The following FASN variants were observed in gnomAD, a reference collection of about 807,000 sequenced individuals.
FASN encodes fatty acid synthase, also known as 3-hydroxyacyl-[acyl-carrier-protein] dehydratase.
FASN carries 50 observed loss-of-function variants against 250.0 expected under a neutral mutation model. That is an observed-to-expected ratio of 0.20 (90% confidence interval 0.16 to 0.25). The LOEUF (loss-of-function observed/expected upper bound fraction) is 0.25, where lower values mean the gene tolerates loss of function less well. FASN is among the 10% of genes least tolerant of loss of function. FASN has a pLI of 1.00. For synonymous variants in FASN, 1,909 were observed against 1,584.0 expected (o/e 1.21, Z -4.87); for missense variants, 3,031 against 3,498.5 (o/e 0.87, Z 3.37).
rs377130097 is a variant in FASN, at chr17:82,093,170, G to A, written c.655+49C>T. ...CAGCGTGGGGACTGTGCGGGGGGCC[G>A]TCCTGTGCCACTGTCCCGCCTGCCC... On this transcript the variant is annotated intron_variant, in intron 5 of 42. Coordinates refer to ENST00000306749, the MANE Select transcript of FASN (RefSeq NM_004104.5). 41 of 1,540,656 alleles carry A rather than the reference G, an allele frequency of 2.7e-5. No homozygotes were observed. The African/African-American group carries it at 3.7e-4, about 14-fold the overall frequency.
Position 82,091,564 on chromosome 17 carries a change from G to A in FASN, c.1150C>T (p.Arg384Cys), listed in dbSNP as rs762823912. 7 of 1,590,046 alleles carry A rather than the reference G, an allele frequency of 4.4e-6. No individual in the cohort carries two copies. The highest frequency in any genetic ancestry group is 1.8e-5 in the Admixed American group (1 of 55,922). ...GAGTTGATGCCCACGTTGCCGCCACGGACGGGCAGGGGCTGGTCCACCACC... is the reference window on the plus strand; with the variant it reads ...GAGTTGATGCCCACGTTGCCGCCACAGACGGGCAGGGGCTGGTCCACCACC... ...LQVVDQPLPV[R>C]GGNVGINSFG... Residue 384 changes from arginine to cysteine, a missense_variant, in exon 9 of 43, where the codon CGT becomes TGT. Transcript: ENST00000306749.
Position 82,082,029 on chromosome 17 carries a change from C to T in FASN, c.6143G>A (p.Arg2048His), listed in dbSNP as rs1414335098. 3 of 1,609,598 alleles carry T rather than the reference C, an allele frequency of 1.9e-6. No homozygotes were observed. The highest frequency in any genetic ancestry group is 1.7e-5 in the Admixed American group (1 of 60,008). The stretch of plus-strand genomic sequence containing the variant: ...CCCACCTGGGAGGCCTTCGTGCCGG[C>T]GTTTCTCACAGATACGCTCCATGGC... ...NSAMERICEK[R>H]RHEGLPGLAV... The change falls in exon 36 of 43, where the codon CGC (arginine) becomes CAC (histidine). Residue 2048 changes from arginine (R) to histidine (H), a missense_variant. Physicochemically the swap from Arg to His is conservative, Grantham distance 29. Coordinates refer to ENST00000306749, the MANE Select transcript of FASN (RefSeq NM_004104.5).
At position 82,092,603 on chromosome 17, in the gene FASN, G is replaced by T. The variant is rs751955817; in HGVS notation, c.895-14C>A. 13 of 1,595,390 alleles carry T rather than the reference G, an allele frequency of 8.1e-6. No individual in the cohort carries two copies. Among genetic ancestry groups the T allele is most frequent in the Non-Finnish European group, 1.1e-5 (13 of 1,173,978 alleles). On this transcript the variant is annotated splice_polypyrimidine_tract_variant and intron_variant, in intron 7 of 42. Coordinates refer to ENST00000306749, the MANE Select transcript of FASN (RefSeq NM_004104.5). The stretch of plus-strand genomic sequence containing the variant: ...GGGGTCGCCCACCTGTGGGAAACAT[G>T]GGGGGTGAGGGGCTCTGGCCAGGTC...
chr17:82,097,975 G>C (rs1193720958), intron 1 of FASN, 146 bp downstream of exon 1: 1 of 280,102 alleles, frequency 3.6e-6, no homozygotes, highest in Non-Finnish European at 6.7e-6. Context: ...ACCGAGACCC[G>C]GACAGGCCGC....
At position 82,083,753 on chromosome 17, in the gene FASN, G is replaced by T. The variant is rs775516460; in HGVS notation, c.5218+19C>A. 2 of 1,611,244 alleles carry T rather than the reference G, an allele frequency of 1.2e-6. No homozygotes were observed. The highest frequency in any genetic ancestry group is 1.7e-6 in the Non-Finnish European group (2 of 1,179,634). On this transcript the variant is annotated intron_variant, in intron 30 of 42. Coordinates refer to ENST00000306749, the MANE Select transcript of FASN (RefSeq NM_004104.5). Reference sequence around the variant, plus strand: ...GGAGGCTAGGCAGGAGGCAGGTGGGGGCTGTGGGGGCCACTCACCCTTCCC... The same window carrying T: ...GGAGGCTAGGCAGGAGGCAGGTGGGTGCTGTGGGGGCCACTCACCCTTCCC...
In FASN at chr17:82,083,534, G is replaced by A. The variant is rs1273164437; in HGVS notation, c.5324C>T (p.Ser1775Phe). ...RFLEIGKFDL[S>F]QNHPLGMAIF... ...GGCCTCACCGAGCGGGTGGTTCTGA[G>A]AAAGGTCGAATTTGCCAATTTCCAG... Residue 1775 changes from serine to phenylalanine, a missense_variant, in exon 31 of 43, where the codon TCT (serine) becomes TTT (phenylalanine). By Grantham distance (155) the Ser-to-Phe change is radical. Coordinates refer to ENST00000306749, the MANE Select transcript of FASN (RefSeq NM_004104.5). 6 of 1,612,844 alleles carry A rather than the reference G, an allele frequency of 3.7e-6. No individual in the cohort carries two copies. The highest frequency in any genetic ancestry group is 5.1e-6 in the Non-Finnish European group (6 of 1,180,010).
chr17:82,096,179 A>G, intron 2 of FASN, 140 bp downstream of exon 2: 1 of 1,351,438 alleles, frequency 7.4e-7, no homozygotes, highest in Non-Finnish European at 1.0e-6. Flanking sequence ...CCCATGGGTG[A>G]CCAGTGGCTC....
In FASN at chr17:82,082,569, C is replaced by T. The variant is rs199810482; in HGVS notation, c.5877G>A (p.Ala1959=). 329 of 1,609,302 alleles carry T rather than the reference C, an allele frequency of 2.0e-4. No homozygotes were observed. The highest frequency in any genetic ancestry group is 2.5e-4 in the Non-Finnish European group (299 of 1,179,834). ...CGCCGCCCACGGGCCCAAGCTGCGC[C>T]GCCTCGGCAATGAGGCCCCGGGCCC... ...LEGARGLIAE[A]AQLGPVGGVF... The change falls in exon 34 of 43, where the codon GCG becomes GCA. Residue 1959 remains alanine (A), a synonymous_variant. Coordinates refer to ENST00000306749, the MANE Select transcript of FASN (RefSeq NM_004104.5).
rs903069949 is a variant in FASN, at chr17:82,084,639, A to G, written c.4642T>C (p.Cys1548Arg). The G allele has an allele frequency of 2.5e-6, 4 of 1,600,738 alleles. No individual in the cohort carries two copies. In the African/African-American group the frequency reaches 5.3e-5, roughly 21 times the overall value. The change falls in exon 27 of 43, where the codon TGC becomes CGC. Residue 1548 changes from cysteine to arginine, a missense_variant. Coordinates refer to ENST00000306749, the MANE Select transcript of FASN (RefSeq NM_004104.5). ...RGDLSSIRWVCSSLRHAQPTC... is the reference protein window; with the variant it reads ...RGDLSSIRWVRSSLRHAQPTC... Reference sequence around the variant, plus strand: ...GGCTGGGCATGGCGCAGCGAGGAGCAGACCCAGCGGATGGAGGACAGGTCC... The same window carrying G: ...GGCTGGGCATGGCGCAGCGAGGAGCGGACCCAGCGGATGGAGGACAGGTCC...
In FASN at chr17:82,091,023, C is replaced by T; in HGVS notation, c.1539G>A (p.Leu513=). Residue 513 remains leucine (L), a synonymous_variant, in exon 10 of 43, where the codon CTG becomes CTA. Transcript: ENST00000306749. ...GTAGGATGGAATCTCGGAAGCGGTC[C>T]AGGCGCATGAGGCTCAGCCCCATCC... is the stretch of plus-strand genomic sequence containing the variant. ...WRGMGLSLMR[L]DRFRDSILRS... 1 of 1,612,780 alleles carries T rather than the reference C, an allele frequency of 6.2e-7. No homozygotes were observed. The highest frequency in any genetic ancestry group is 8.5e-7 in the Non-Finnish European group (1 of 1,179,990).
intron 11 of FASN, among the ~76,000 whole-genome samples, chr17:82,090,147 G>A (rs1361053854): frequency 1.3e-5 from 2 of 152,228 alleles, no homozygotes; most frequent in South Asian, 2.1e-4. Flanking sequence ...GGGGCTCCAC[G>A]CAGGCCTGAT....
At position 82,085,633 on chromosome 17, in the gene FASN, TC is replaced by T; in HGVS notation, c.3970del (p.Asp1324ThrfsTer13). On this transcript the variant is annotated frameshift_variant, in exon 23 of 43. Coordinates refer to ENST00000306749, the MANE Select transcript of FASN (RefSeq NM_004104.5). LOFTEE classifies it high-confidence loss of function. Reference sequence around the variant, plus strand: ...CATGTTGCTGAGAGCTGAGGCCGGGTCCCCGAGGGCAGCCACAGCACAGTTG... The same window carrying T: ...CATGTTGCTGAGAGCTGAGGCCGGGTCCCGAGGGCAGCCACAGCACAGTTG... ...VCNCAVAALG[D>X]PASALSNMVA... 1 of 1,596,302 alleles carries T rather than the reference TC, an allele frequency of 6.3e-7. No homozygotes were observed. Among genetic ancestry groups the T allele is most frequent in the Admixed American group, 1.7e-5 (1 of 57,880 alleles).
chr17:82,083,917 G>T, intron 29 of FASN, 26 bp from the exon 30 acceptor site: 1 of 1,554,002 alleles, frequency 6.4e-7, no homozygotes, highest in African/African-American at 1.4e-5. Flanking sequence ...AGCGCGGCTG[G>T]TGAGCCAGGG....
At chr17:82,093,498 GAC>G in intron 4 of FASN, 79 bp from the exon 5 acceptor site, 2 of 1,589,368 alleles carry the variant, frequency 1.3e-6, no homozygotes, top group African/African-American at 1.3e-5. Context: ...CACCAGGCTG[GAC>G]ACACACTGCA....
chr17:82,086,412 C>A lies in FASN; in HGVS notation c.3574G>T (p.Gly1192Trp). Reference sequence around the variant, plus strand: ...TGCGCCAGCTCCAGCTGCAGGTTCCCGTTGAGCTGAAGCCTGCAGGCAGCC... The same window carrying A: ...TGCGCCAGCTCCAGCTGCAGGTTCCAGTTGAGCTGAAGCCTGCAGGCAGCC... ...LSAACRLQLN[G>W]NLQLELAQVL... is the part of the protein sequence containing the mutation. The change falls in exon 22 of 43, where the codon GGG becomes TGG. Residue 1192 changes from glycine to tryptophan, a missense_variant. By Grantham distance (184) the Gly-to-Trp change is radical. Transcript: ENST00000306749. 1.2e-6 allele frequency: 2 copies of A among 1,611,242 alleles called. No homozygotes were observed. The highest frequency in any genetic ancestry group is 1.7e-6 in the Non-Finnish European group (2 of 1,179,900).
In FASN at chr17:82,092,326, G is replaced by T. The variant is rs1313027374; in HGVS notation, c.1029+129C>A. 5 of 997,280 alleles carry T rather than the reference G, an allele frequency of 5.0e-6. No individual in the cohort carries two copies. The South Asian group carries it at 5.8e-5, about 12-fold the overall frequency. 61.8% of individuals were successfully genotyped at this position (997,280 alleles called of 1,614,324 possible). On this transcript the variant is annotated intron_variant, in intron 8 of 42. Transcript: ENST00000306749. ...GCTCAGACCTGCAGCATAGCCCGGG[G>T]GACAGAGGCTCCTGGTGGGGAAGCC...
At position 82,092,452 on chromosome 17, in the gene FASN, T is replaced by C. The variant is rs1223786186; in HGVS notation, c.1029+3A>G. ...AGGGACCCCCAAGCCCAGCCCCACC[T>C]ACCTTGGCCAGGGCTGCCAGCCCCG... On this transcript the variant is annotated splice_donor_region_variant and intron_variant, in intron 8 of 42. Coordinates refer to ENST00000306749, the MANE Select transcript of FASN (RefSeq NM_004104.5). 3.8e-6 allele frequency: 6 copies of C among 1,568,354 alleles called. No homozygotes were observed. The highest frequency in any genetic ancestry group is 5.2e-6 in the Non-Finnish European group (6 of 1,159,828).
At chr17:82,094,289 C>G (rs529087145) in intron 3 of FASN, 1 of 213,758 alleles carries the variant, frequency 4.7e-6, no homozygotes, top group East Asian at 1.2e-4. Flanking sequence ...GGAGCATAAC[C>G]TTAGTCTTGG....
intron 13 of FASN, 31 bp downstream of exon 13, chr17:82,089,219 G>T: frequency 3.1e-6 from 5 of 1,609,888 alleles, no homozygotes; most frequent in Non-Finnish European, 4.2e-6. Context: ...CCCCTGGCCC[G>T]CCCCGCACCC....
Sources: allele counts gnomAD v4.1 joint callset (sites outside exome capture counted in the v4.1 genomes callset), GRCh38; gene constraint gnomAD v4.1.1; transcripts MANE v1.5; gene names NCBI Gene and HGNC (gene_info 2026-07-23, HGNC 2026-07-21).